TSPEAR: variants seen among roughly 807,000 people sequenced by gnomAD.
The protein encoded by TSPEAR is thrombospondin-type laminin G domain and EAR repeat-containing protein.
TSPEAR carries 69 observed loss-of-function variants against 71.6 expected under a neutral mutation model. The observed-to-expected ratio is 0.96, with a 90% CI of 0.79 to 1.18. The LOEUF is 1.18. Ranked by LOEUF, TSPEAR falls within the 50% of genes most tolerant of loss-of-function variation. The pLI, the probability that TSPEAR is intolerant of heterozygous loss-of-function variation, is 0.00. For missense variants in TSPEAR, 971 were observed against 894.9 expected (o/e 1.09, Z -1.09); for synonymous variants, 402 against 387.2 (o/e 1.04, Z -0.45).
intron 1 of TSPEAR, among the ~76,000 whole-genome samples, chr21:44,610,425 C>T (rs958018260): frequency 6.6e-6 from 1 of 152,140 alleles, no homozygotes; most frequent in East Asian, 1.9e-4. Context: ...CAAGCCTTGG[C>T]AGCTTCCATG....
chr21:44,615,556 T>TG lies in TSPEAR; in HGVS notation c.83-47552_83-47551insC, dbSNP rs1397860561. Reference sequence around the variant, plus strand: ...TTAATTCCATAACCAAAGGTTTTTTTTTTTTTTTTAAATTTATTCTGTTTT... The same window carrying TG: ...TTAATTCCATAACCAAAGGTTTTTTTGTTTTTTTTTAAATTTATTCTGTTTT... On this transcript the variant is annotated intron_variant, in intron 1 of 11. Transcript: ENST00000323084. Among the ~76,000 whole-genome samples the TG allele has an allele frequency of 5.3e-4, 75 of 142,550 alleles. 1 individual carries two copies. Among genetic ancestry groups the TG allele is most frequent in the African/African-American group, 2.2e-3 (71 of 32,922 alleles). The allele number at this position is 142,550 out of a possible 152,430, so 93.5% of individuals were successfully genotyped here. A position where few individuals can be genotyped will look rare whatever the true frequency, so the allele number is the denominator to read the frequency against.
intron 1 of TSPEAR, chr21:44,647,404 A>C: frequency 1.3e-6 from 2 of 1,585,350 alleles, no homozygotes; most frequent in Non-Finnish European, 1.7e-6. Flanking sequence ...GCCAAGCAGG[A>C]TTCTCCAGTC....
intron 1 of TSPEAR, among the ~76,000 whole-genome samples, chr21:44,698,482 C>A (rs1555951094): frequency 6.6e-6 from 1 of 152,220 alleles, no homozygotes; most frequent in Non-Finnish European, 1.5e-5. Context: ...CCGTCCCCAC[C>A]CCAGCCCAGC....
chr21:44,591,750 C>G (rs782017284), intron 1 of TSPEAR: 2 of 1,589,698 alleles, frequency 1.3e-6, no homozygotes, highest in East Asian at 2.3e-5. Flanking sequence ...AAGAGGAATC[C>G]TCAGAGCAGG....
chr21:44,559,723 G>A (rs1220575822), intron 2 of TSPEAR, among the ~76,000 whole-genome samples: 1 of 152,094 alleles, frequency 6.6e-6, no homozygotes, highest in Non-Finnish European at 1.5e-5. Context: ...CCTGTGCCCG[G>A]GACCATACCT....
intron 1 of TSPEAR, among the ~76,000 whole-genome samples, chr21:44,638,829 C>A (rs1238072154): frequency 1.3e-5 from 2 of 152,016 alleles, no homozygotes; most frequent in African/African-American, 2.4e-5. Context: ...AGCTCCATGG[C>A]TGCCCCCCAG....
chr21:44,637,867 C>A (rs587722247), intron 1 of TSPEAR: 1 of 1,532,354 alleles, frequency 6.5e-7, no homozygotes, highest in Non-Finnish European at 8.9e-7. Flanking sequence ...GTGTGCCTGT[C>A]TGCTCTAAGT....
Position 44,510,033 on chromosome 21 carries a change from C to T in TSPEAR, c.1567-647G>A, listed in dbSNP as rs587717695. ...GCCATCTCTGGGTTCCTGTGCTTGC[C>T]ATTCCTCCATAAATCACTTACCACC... On this transcript the variant is annotated intron_variant, in intron 9 of 11. Transcript: ENST00000323084. 2.0e-5 allele frequency: 3 copies of T among 152,840 alleles called. No homozygotes were observed. In the East Asian group the frequency reaches 5.8e-4, roughly 29 times the overall value. 9.5% of individuals were successfully genotyped at this position (152,840 alleles called of 1,614,324 possible).
intron 1 of TSPEAR, among the ~76,000 whole-genome samples, chr21:44,674,165 C>G (rs587663195): frequency 6.7e-6 from 1 of 150,040 alleles, no homozygotes; most frequent in East Asian, 2.0e-4. Flanking sequence ...TCCAATGATG[C>G]ACCTCAAGGA....
rs587738391 is a variant in TSPEAR, at chr21:44,524,251, T to TCAGC, written c.1336+1398_1336+1401dup. The stretch of plus-strand genomic sequence containing the variant: ...GTCAGTCAGTGAGGTAGTCCATCAG[T>TCAGC]CAGCCAGCCAGCCAGCCAGTCAGGT... On this transcript the variant is annotated intron_variant, in intron 8 of 11. Coordinates refer to ENST00000323084, the MANE Select transcript of TSPEAR (RefSeq NM_144991.3). Among the ~76,000 whole-genome samples, 16 of 151,594 alleles carry TCAGC rather than the reference T, an allele frequency of 1.1e-4. 1 individual carries two copies. In the South Asian group the frequency reaches 3.4e-3, roughly 32 times the overall value.
At chr21:44,637,371 T>A (rs587715796) in intron 1 of TSPEAR, 1 of 1,573,208 alleles carries the variant, frequency 6.4e-7, no homozygotes, top group East Asian at 2.2e-5. Context: ...ACTCACACAC[T>A]CACTCACTCA....
At chr21:44,532,311 C>T (rs1555915856) in intron 3 of TSPEAR, among the ~76,000 whole-genome samples, 1 of 152,278 alleles carries the variant, frequency 6.6e-6, no homozygotes, top group Non-Finnish European at 1.5e-5. Flanking sequence ...GCCTCAGGCG[C>T]TGCCGCCACG....
intron 1 of TSPEAR, among the ~76,000 whole-genome samples, chr21:44,643,529 A>G (rs1251593236): frequency 1.3e-5 from 2 of 152,230 alleles, no homozygotes; most frequent in Non-Finnish European, 2.9e-5. Context: ...CCTTGAATTT[A>G]TATAATTCTT....
chr21:44,586,975 C>G (rs459915), intron 1 of TSPEAR, among the ~76,000 whole-genome samples: 143,929 of 152,246 alleles, frequency 0.95, 68,180 homozygotes, highest in Non-Finnish European at 0.97. Context: ...CTGAGAACTG[C>G]AAAAATGTAG....
At position 44,612,774 on chromosome 21, in the gene TSPEAR, T is replaced by C. The variant is rs781926308; in HGVS notation, c.83-44769A>G. The C allele has an allele frequency of 2.5e-6, 4 of 1,613,288 alleles. No homozygotes were observed. The South Asian group carries it at 4.4e-5, about 18-fold the overall frequency. Reference sequence around the variant, plus strand: ...TGCCGGCCTGCCTGCTGTGTGCCTGTCCCCTCCTGTTGTGTCCCTGCCTCC... The same window carrying C: ...TGCCGGCCTGCCTGCTGTGTGCCTGCCCCCTCCTGTTGTGTCCCTGCCTCC... On this transcript the variant is annotated intron_variant, in intron 1 of 11. Coordinates refer to ENST00000323084, the MANE Select transcript of TSPEAR (RefSeq NM_144991.3). This position sits in a 1 kb window ranked among gnomAD's most constrained non-coding sequence, Gnocchi z 4.1.
chr21:44,523,912 TTGTC>T (rs199563096), intron 8 of TSPEAR, among the ~76,000 whole-genome samples: 2,322 of 151,488 alleles, frequency 0.015, 63 homozygotes, highest in African/African-American at 0.053. Context: ...GTCAGGTAGT[TTGTC>T]AGTCAGTCAG....
chr21:44,709,549 T>C (rs891806891), intron 1 of TSPEAR, among the ~76,000 whole-genome samples: 22 of 152,226 alleles, frequency 1.4e-4, no homozygotes, highest in African/African-American at 5.3e-4. Flanking sequence ...AGAAGGCGCA[T>C]GGGCCCCGTG....
chr21:44,677,410 T>G, intron 1 of TSPEAR: 1 of 1,076,170 alleles, frequency 9.3e-7, no homozygotes, highest in Non-Finnish European at 1.4e-6. Context: ...TGAGCTGCAA[T>G]CGCCTGCAGA....
intron 1 of TSPEAR, among the ~76,000 whole-genome samples, chr21:44,670,757 T>C (rs1287154803): frequency 6.6e-6 from 1 of 152,162 alleles, no homozygotes; most frequent in African/African-American, 2.4e-5. Context: ...AGCTGTAGCA[T>C]GGTGCCATTT....
Sources: gnomAD v4.1 joint callset for allele counts (sites outside exome capture counted in the v4.1 genomes callset) on GRCh38, gnomAD v4.1.1 for gene constraint, Gnocchi (gnomAD v3.1) non-coding constraint, MANE v1.5 for transcripts, NCBI Gene and HGNC (gene_info 2026-07-23, HGNC 2026-07-21) for gene names.